The following ERAP1 variants were observed in gnomAD, a reference collection of about 807,000 sequenced individuals.
ERAP1 encodes the protein adipocyte-derived leucine aminopeptidase.
Under a neutral mutation model 103.7 loss-of-function variants are expected in ERAP1, and 86 were observed. The ratio of observed to expected loss-of-function variants is 0.83; its 90% CI spans 0.70 to 0.99. ERAP1 has a LOEUF of 0.99. ERAP1 is among the 50% of genes least tolerant of loss of function. The pLI, the probability that ERAP1 is intolerant of heterozygous loss-of-function variation, is 0.00. For synonymous variants in ERAP1, 398 were observed against 402.4 expected, an observed-to-expected ratio of 0.99 and a Z score of 0.13; for missense variants, 1,009 against 1,128.4, an observed-to-expected ratio of 0.89 and a Z score of 1.52.
the ERAP1 span, among the ~76,000 whole-genome samples, chr5:96,844,005 TA>T: frequency 6.6e-6 from 1 of 152,302 alleles, no homozygotes; most frequent in African/African-American, 2.4e-5. Context: ...CCCTTGCCTT[TA>T]AAAACCCTTA....
the ERAP1 span, among the ~76,000 whole-genome samples, chr5:96,856,349 A>AAAAAAAT: frequency 2.3e-4 from 2 of 8,538 alleles, no homozygotes; most frequent in African/African-American, 7.2e-4. Flanking sequence ...AAAAAAAAAA[A>AAAAAAAT]ATATATATAT....
chr5:96,923,538 C>CA, the ERAP1 span, among the ~76,000 whole-genome samples: 26 of 151,964 alleles, frequency 1.7e-4, no homozygotes, highest in African/African-American at 5.8e-4. Context: ...ACTAAAAATA[C>CA]AAAAAATTAG....
At chr5:96,795,253 T>G in intron 4 of ERAP1, 91 bp from the exon 5 acceptor site, 1 of 1,537,894 alleles carries the variant, frequency 6.5e-7, no homozygotes, top group Non-Finnish European at 8.9e-7. Flanking sequence ...GTCTTCATAT[T>G]GTGGGATATG....
At chr5:96,879,498 G>T in the ERAP1 span, 2 of 560,260 alleles carry the variant, frequency 3.6e-6, no homozygotes, top group African/African-American at 3.7e-5. Context: ...CTTTTTACAT[G>T]TTTAAGATTT....
At chr5:96,784,859 A>G (rs1392875178) in intron 13 of ERAP1, 2 of 152,266 alleles carry the variant, frequency 1.3e-5, no homozygotes, top group Non-Finnish European at 2.9e-5. Context: ...GTGGTAGGGT[A>G]TATATTATAT....
At chr5:96,912,756 T>C in the ERAP1 span, 2 of 1,600,786 alleles carry the variant, frequency 1.2e-6, no homozygotes, top group African/African-American at 1.4e-5. Flanking sequence ...AACAAAATTC[T>C]GTATGCTTTG....
chr5:96,793,635 T>TA, intron 6 of ERAP1, 122 bp from the exon 7 acceptor site: 2 of 1,098,870 alleles, frequency 1.8e-6, no homozygotes, highest in Middle Eastern at 2.4e-4. Flanking sequence ...AAGGTAAAAA[T>TA]AAAAAAAGTT....
chr5:96,836,413 G>A, the ERAP1 span, among the ~76,000 whole-genome samples: 1 of 152,104 alleles, frequency 6.6e-6, no homozygotes, highest in South Asian at 2.1e-4. Context: ...TGTTGGCCAG[G>A]CTGGTCTCGA....
the ERAP1 span, among the ~76,000 whole-genome samples, chr5:96,863,578 C>T: frequency 2.0e-5 from 3 of 151,372 alleles, no homozygotes; most frequent in Middle Eastern, 3.4e-3. Flanking sequence ...TCTTGTTCCC[C>T]GAAACAGAAG....
the ERAP1 span, chr5:96,917,681 C>G: frequency 1.6e-6 from 2 of 1,229,536 alleles, no homozygotes; most frequent in South Asian, 1.4e-5. Flanking sequence ...CTGAGAAGGG[C>G]GGATCACGAG....
chr5:96,890,831 T>C, the ERAP1 span, among the ~76,000 whole-genome samples: 86,183 of 152,002 alleles, frequency 0.57, 24,605 homozygotes, highest in African/African-American at 0.62. Flanking sequence ...CCCATTTATA[T>C]GTAATTCACT....
chr5:96,882,223 A>C, the ERAP1 span, among the ~76,000 whole-genome samples: 1 of 152,196 alleles, frequency 6.6e-6, no homozygotes, highest in Non-Finnish European at 1.5e-5. Flanking sequence ...CCACATAAAC[A>C]ATGATGGCTT....
At chr5:96,841,751 T>C in the ERAP1 span, among the ~76,000 whole-genome samples, 30 of 143,772 alleles carry the variant, frequency 2.1e-4, no homozygotes, top group East Asian at 1.8e-3. Flanking sequence ...CTTCTTCTTT[T>C]TTTTTTTTTT....
chr5:96,784,643 A>T (rs1775748883), intron 13 of ERAP1: 1 of 159,148 alleles, frequency 6.3e-6, no homozygotes, highest in Admixed American at 5.9e-5. Flanking sequence ...ATCAGCATCT[A>T]TCCCTGTGAA....
At chr5:96,914,052 TCTAAAA>T in the ERAP1 span, among the ~76,000 whole-genome samples, 1 of 152,072 alleles carries the variant, frequency 6.6e-6, no homozygotes, top group African/African-American at 2.4e-5. Flanking sequence ...TGTTCCTGGA[TCTAAAA>T]TATCCCTCAG....
the ERAP1 span, among the ~76,000 whole-genome samples, chr5:96,857,732 T>C: frequency 5.9e-5 from 9 of 152,214 alleles, no homozygotes; most frequent in African/African-American, 2.2e-4. Flanking sequence ...GAGTTAGGGA[T>C]AGAACCATAG....
intron 19 of ERAP1, chr5:96,767,407 T>C (rs373556002): frequency 5.7e-6 from 9 of 1,587,894 alleles, no homozygotes; most frequent in Non-Finnish European, 7.8e-6. Flanking sequence ...CAGATATCTA[T>C]GCTTAACCAA....
chr5:96,911,880 AAG>A, the ERAP1 span, among the ~76,000 whole-genome samples: 1 of 125,596 alleles, frequency 8.0e-6, no homozygotes, highest in Admixed American at 8.5e-5. Context: ...AAAAAAAAAA[AAG>A]AAAGAAAGAA....
the ERAP1 span, among the ~76,000 whole-genome samples, chr5:96,820,759 C>T: frequency 1.3e-5 from 2 of 152,116 alleles, no homozygotes; most frequent in African/African-American, 4.8e-5. Context: ...TTGTCTGTAA[C>T]CTCTTCTTTC....
Sources: allele counts gnomAD v4.1 joint callset (sites outside exome capture counted in the v4.1 genomes callset), GRCh38; gene constraint gnomAD v4.1.1; transcripts MANE v1.5; gene names NCBI Gene and HGNC (gene_info 2026-07-23, HGNC 2026-07-21).